The following CELSR2 variants were observed in gnomAD, a reference collection of about 807,000 sequenced individuals.
CELSR2 encodes cadherin EGF LAG seven-pass G-type receptor 2.
A neutral mutation model predicts 251.6 loss-of-function variants in CELSR2; 81 were observed. That is an observed-to-expected ratio of 0.32 (90% CI 0.27 to 0.39). The LOEUF (loss-of-function observed/expected upper bound fraction) is 0.39. Among genes scored for constraint, CELSR2 ranks in the 10% least tolerant of loss-of-function variants. CELSR2 has a pLI of 1.00. For synonymous variants in CELSR2, 1,721 were observed against 1,670.5 expected, an observed-to-expected ratio of 1.03 and a Z score of -0.74; for missense variants, 3,365 against 3,947.7, an observed-to-expected ratio of 0.85 and a Z score of 3.96.
rs1282815141 is a variant in CELSR2 at position 109,258,430 on chromosome 1, A to AGACGGC, written c.3311_3316dup. On this transcript the variant is annotated splice_acceptor_variant, in intron 1 of 33. Transcript: ENST00000271332. LOFTEE classifies it high-confidence loss of function. ...GGGTCCTGACTGTGTCCCTCTCCACAGACGGCGTACACAGCGTGACCGCCC... is the reference window on the plus strand; with the variant it reads ...GGGTCCTGACTGTGTCCCTCTCCACAGACGGCGACGGCGTACACAGCGTGACCGCCC... The AGACGGC allele has an allele frequency of 1.3e-6, 2 of 1,565,622 alleles. No homozygotes were observed. The highest frequency in any genetic ancestry group is 1.7e-6 in the Non-Finnish European group (2 of 1,151,720).
rs1301110869 is a variant in CELSR2, at chr1:109,271,612, T to C, written c.7816T>C (p.Phe2606Leu). 2 of 1,614,150 alleles carry C rather than the reference T, an allele frequency of 1.2e-6. No homozygotes were observed. Among genetic ancestry groups the C allele is most frequent in the Middle Eastern group, 1.6e-4 (1 of 6,062 alleles). ...TCTTGCCTGCCAGGGCCCCTTCATC[T>C]TCCTCTCCTATGTGGTGCTTAGCAA... ...TCNCIQGPFI[F>L]LSYVVLSKEV... Residue 2606 changes from phenylalanine (F) to leucine (L), a missense_variant, in exon 28 of 34, where the codon TTC becomes CTC. Phe to Leu is a conservative substitution (Grantham distance 22, BLOSUM62 0). Coordinates refer to ENST00000271332, the MANE Select transcript of CELSR2 (RefSeq NM_001408.3).
chr1:109,268,782 G>T lies in CELSR2; in HGVS notation c.6502+18G>T. 6.3e-7 allele frequency: 1 copy of T among 1,588,914 alleles called. No homozygotes were observed. Among genetic ancestry groups the T allele is most frequent in the Non-Finnish European group, 8.6e-7 (1 of 1,161,652 alleles). On this transcript the variant is annotated intron_variant, in intron 18 of 33. Coordinates refer to ENST00000271332, the MANE Select transcript of CELSR2 (RefSeq NM_001408.3). ...CAACATTGGTAAGGCTGGTGCCTGGGTTGGGGAGGGGTTTGTGGAGGGAGT... is the reference window on the plus strand; with the variant it reads ...CAACATTGGTAAGGCTGGTGCCTGGTTTGGGGAGGGGTTTGTGGAGGGAGT...
At position 109,265,730 on chromosome 1, in the gene CELSR2, C is replaced by T; in HGVS notation, c.5728-5C>T. ...CAGTGACACCGTTCTTCCCTCCTTTCTCAGGAGAACCACTACCGGCCCCCA... is the reference window on the plus strand; with the variant it reads ...CAGTGACACCGTTCTTCCCTCCTTTTTCAGGAGAACCACTACCGGCCCCCA... On this transcript the variant is annotated splice_region_variant and splice_polypyrimidine_tract_variant and intron_variant, in intron 13 of 33. Transcript: ENST00000271332. 6.2e-7 allele frequency: 1 copy of T among 1,605,506 alleles called. No homozygotes were observed. Among genetic ancestry groups the T allele is most frequent in the Non-Finnish European group, 8.5e-7 (1 of 1,173,150 alleles).
intron 17 of CELSR2, 131 bp downstream of exon 17, chr1:109,268,191 C>T (rs1557735354): frequency 1.5e-6 from 2 of 1,335,792 alleles, no homozygotes; most frequent in East Asian, 2.5e-5. Context: ...GGCAGGAGGC[C>T]TCCATGAAAC....
In CELSR2 at chr1:109,271,698, G is replaced by A. The variant is rs1336521048; in HGVS notation, c.7902G>A (p.Leu2634=). ...CSRKPSPDPA[L]TTKSTLTSSY... is the part of the protein sequence containing the mutation. ...GCAAGCCCAGCCCTGACCCTGCTCT[G>A]ACCACCAAGTCCACCCTGACCTCGG... The change falls in exon 28 of 34, where the codon CTG becomes CTA. Residue 2634 remains leucine, a synonymous_variant. Coordinates refer to ENST00000271332, the MANE Select transcript of CELSR2 (RefSeq NM_001408.3). 6.2e-7 allele frequency: 1 copy of A among 1,613,976 alleles called. No individual in the cohort carries two copies. Among genetic ancestry groups the A allele is most frequent in the Non-Finnish European group, 8.5e-7 (1 of 1,180,028 alleles).
rs924035690 is a variant in CELSR2, at chr1:109,261,229, C to G, written c.4146C>G (p.Gly1382=). 2 of 1,613,734 alleles carry G rather than the reference C, an allele frequency of 1.2e-6. No individual in the cohort carries two copies. Among genetic ancestry groups the G allele is most frequent in the Non-Finnish European group, 1.7e-6 (2 of 1,180,026 alleles). ...CCCACTCCTTCATCACCTTTCGCGG[C>G]CTGCGCCAGCGTTTCCACTTCACCC... The part of the protein sequence containing the change: ...FPAHSFITFR[G]LRQRFHFTLA... Residue 1382 remains glycine, a synonymous_variant, in exon 3 of 34, where the codon GGC becomes GGG. Transcript: ENST00000271332. This position sits in a 1 kb window ranked among gnomAD's most constrained non-coding sequence, Gnocchi z 4.8.
At chr1:109,268,440 C>A in intron 17 of CELSR2, 141 bp from the exon 18 acceptor site, 1 of 1,145,742 alleles carries the variant, frequency 8.7e-7, no homozygotes, top group Non-Finnish European at 1.2e-6. Context: ...GGTCCAGGAG[C>A]ATTTCAGGGG....
At chr1:109,271,088 G>A in intron 25 of CELSR2, 49 bp downstream of exon 25, 2 of 1,555,558 alleles carry the variant, frequency 1.3e-6, no homozygotes, top group Admixed American at 1.7e-5. Flanking sequence ...CTCCTTTGCT[G>A]TCCTCCTGCT....
rs979767692 is a variant in CELSR2, at chr1:109,275,247, G to A, written c.*1198G>A. 6.6e-6 allele frequency: 1 copy of A among 152,250 alleles called. No individual in the cohort carries two copies. The highest frequency in any genetic ancestry group is 1.5e-5 in the Non-Finnish European group (1 of 68,066). The allele number at this position is 152,250 out of a possible 1,614,324, so 9.4% of individuals were successfully genotyped here. On this transcript the variant is annotated 3_prime_UTR_variant, in exon 34 of 34. Transcript: ENST00000271332. ...GATGGGTTCGTGTCCAGTCCCGGGG[G>A]TCTGATATGGCCATCACAGGCTGGG...
Position 109,264,447 on chromosome 1 carries a change from CTCCCAGGG to C in CELSR2, c.5290-5_5292del. ...ACTGAGGGCAACACTGCTCCTGTCC[CTCCCAGGG>C]TGTGCGGGTGAGCGATACGCCGGAG... On this transcript the variant is annotated splice_acceptor_variant and splice_polypyrimidine_tract_variant and coding_sequence_variant and intron_variant, in exon 11 of 34. Coordinates refer to ENST00000271332, the MANE Select transcript of CELSR2 (RefSeq NM_001408.3). LOFTEE classifies it high-confidence loss of function. The C allele has an allele frequency of 6.2e-7, 1 of 1,611,088 alleles. No individual in the cohort carries two copies. The highest frequency in any genetic ancestry group is 8.5e-7 in the Non-Finnish European group (1 of 1,177,696).
chr1:109,254,291 T>A (rs959326023), intron 1 of CELSR2, among the ~76,000 whole-genome samples: 1 of 152,166 alleles, frequency 6.6e-6, no homozygotes, highest in Non-Finnish European at 1.5e-5. Flanking sequence ...AGGCACCTTA[T>A]CTGAGGAGAG....
chr1:109,261,437 C>A lies in CELSR2; in HGVS notation c.4182-76C>A. On this transcript the variant is annotated intron_variant, in intron 3 of 33. Transcript: ENST00000271332. This position sits in a 1 kb window ranked among gnomAD's most constrained non-coding sequence, Gnocchi z 4.8. ...TCTGCCAGCAGATCTCCCTCCCCTG[C>A]GCTGGTTAGGTGGCGGGGGTGCTGG... The A allele has an allele frequency of 1.4e-6, 2 of 1,444,584 alleles. No homozygotes were observed. Among genetic ancestry groups the A allele is most frequent in the Non-Finnish European group, 1.9e-6 (2 of 1,027,372 alleles). 89.5% of individuals were successfully genotyped at this position (1,444,584 alleles called of 1,614,324 possible). A position where few individuals can be genotyped will look rare whatever the true frequency, so the allele number is the denominator to read the frequency against.
Position 109,272,382 on chromosome 1 carries a change from C to T in CELSR2, c.8031C>T (p.Pro2677=). Residue 2677 remains proline (P), a synonymous_variant, in exon 29 of 34, where the codon CCC becomes CCT. Coordinates refer to ENST00000271332, the MANE Select transcript of CELSR2 (RefSeq NM_001408.3). The stretch of plus-strand genomic sequence containing the variant: ...CCAGTCGCTCGGGCAAGAGTCAGCC[C>T]AGCTACATCCCCTTCTTGCTGAGGT... ...HSTSRSGKSQ[P]SYIPFLLREE... is the part of the protein sequence containing the mutation. The T allele has an allele frequency of 3.1e-6, 5 of 1,610,742 alleles. No homozygotes were observed. Among genetic ancestry groups the T allele is most frequent in the Non-Finnish European group, 4.2e-6 (5 of 1,177,644 alleles).
chr1:109,273,350 C>A lies in CELSR2; in HGVS notation c.8509+14C>A, dbSNP rs1376519568. On this transcript the variant is annotated intron_variant, in intron 32 of 33. Coordinates refer to ENST00000271332, the MANE Select transcript of CELSR2 (RefSeq NM_001408.3). Reference sequence around the variant, plus strand: ...AGCCTCACAAAGGTGAGTGGGGCACCCCCAGCTGCCGAGCTCCCCTAGTCA... The same window carrying A: ...AGCCTCACAAAGGTGAGTGGGGCACACCCAGCTGCCGAGCTCCCCTAGTCA... The A allele has an allele frequency of 1.2e-6, 2 of 1,601,420 alleles. No homozygotes were observed. Among genetic ancestry groups the A allele is most frequent in the African/African-American group, 1.3e-5 (1 of 74,692 alleles).
chr1:109,266,243 TG>T (rs1488355816), intron 15 of CELSR2, 37 bp downstream of exon 15: 1 of 1,605,718 alleles, frequency 6.2e-7, no homozygotes. Flanking sequence ...GTCGAGGACA[TG>T]GCCTCTGCTG....
intron 15 of CELSR2, among the ~76,000 whole-genome samples, chr1:109,266,863 G>A (rs1656210927): frequency 2.0e-5 from 3 of 150,632 alleles, no homozygotes; most frequent in Admixed American, 2.0e-4. Flanking sequence ...GGTACTACAG[G>A]CGTGTGCTAC....
rs764679151 is a variant in CELSR2, at chr1:109,258,901, C to T, written c.3780C>T (p.Ser1260=). The T allele has an allele frequency of 1.9e-6, 3 of 1,612,318 alleles. No homozygotes were observed. The highest frequency in any genetic ancestry group is 2.2e-5 in the South Asian group (2 of 90,922). ...DSSAPFIASS[S]VLFRPIHPVG... ...CCGCGCCCTTCATCGCCTCCTCCTCCGTGCTCTTCCGGCCCATCCACCCCG... is the reference window on the plus strand; with the variant it reads ...CCGCGCCCTTCATCGCCTCCTCCTCTGTGCTCTTCCGGCCCATCCACCCCG... The change falls in exon 2 of 34, where the codon TCC becomes TCT. Residue 1260 remains serine (S), a synonymous_variant. Coordinates refer to ENST00000271332, the MANE Select transcript of CELSR2 (RefSeq NM_001408.3).
Position 109,261,403 on chromosome 1 carries a change from G to C in CELSR2, c.4182-110G>C. On this transcript the variant is annotated intron_variant, in intron 3 of 33. Transcript: ENST00000271332. The surrounding 1 kb of genome is among the most constrained non-coding windows in gnomAD (Gnocchi z 4.8). ...CAGAGCCAGGTCTGCTCTTGGAGTT[G>C]CCTGTGGTTCTGCCAGCAGATCTCC... 1 of 1,351,372 alleles carries C rather than the reference G, an allele frequency of 7.4e-7. No individual in the cohort carries two copies. Among genetic ancestry groups the C allele is most frequent in the Non-Finnish European group, 1.1e-6 (1 of 948,366 alleles). 83.7% of individuals were successfully genotyped at this position (1,351,372 alleles called of 1,614,324 possible). A position where few individuals can be genotyped will look rare whatever the true frequency, so the allele number is the denominator to read the frequency against.
At chr1:109,264,797 T>A (rs1362813872) in intron 11 of CELSR2, 71 bp from the exon 12 acceptor site, 1 of 1,609,558 alleles carries the variant, frequency 6.2e-7, no homozygotes. Flanking sequence ...AAGAAACAGA[T>A]GAAGGGTTTG....
Sources: allele counts gnomAD v4.1 joint callset (sites outside exome capture counted in the v4.1 genomes callset), GRCh38; gene constraint gnomAD v4.1.1; non-coding constraint Gnocchi (gnomAD v3.1); transcripts MANE v1.5; gene names NCBI Gene and HGNC (gene_info 2026-07-23, HGNC 2026-07-21).